GPR137B: variants seen among roughly 807,000 people sequenced by gnomAD.
GPR137B encodes the protein integral membrane protein GPR137B.
GPR137B carries 42 observed loss-of-function variants against 42.5 expected under a neutral mutation model. The observed-to-expected ratio is 0.99, with a 90% CI of 0.77 to 1.28. GPR137B has a LOEUF of 1.28. Among genes scored for constraint, GPR137B ranks in the 50% most tolerant of loss-of-function variants. The pLI is 0.00. For missense variants in GPR137B, 487 were observed against 493.9 expected, an observed-to-expected ratio of 0.99 and a Z score of 0.13; for synonymous variants, 218 against 209.7, an observed-to-expected ratio of 1.04 and a Z score of -0.34.
At chr1:236,183,999 A>G (rs777141675) in intron 5 of GPR137B, 93 bp downstream of exon 5, 6 of 817,432 alleles carry the variant, frequency 7.3e-6, no homozygotes, top group African/African-American at 3.5e-5. Context: ...TTCAGAAGAG[A>G]GCCTCTTCCT....
At chr1:236,172,642 T>C (rs1439026556) in intron 2 of GPR137B, among the ~76,000 whole-genome samples, 1 of 152,084 alleles carries the variant, frequency 6.6e-6, no homozygotes, top group Non-Finnish European at 1.5e-5. Flanking sequence ...CCTCTAGCTT[T>C]GTGATTTTTT....
intron 1 of GPR137B, among the ~76,000 whole-genome samples, chr1:236,147,096 A>G (rs562834477): frequency 1.3e-5 from 2 of 152,350 alleles, no homozygotes; most frequent in Admixed American, 1.3e-4. Flanking sequence ...GGCGTGAGCC[A>G]CTGTGCCTGG....
At chr1:236,205,081 G>A (rs1422871224) in intron 5 of GPR137B, 45 bp from the exon 6 acceptor site, 4 of 1,545,168 alleles carry the variant, frequency 2.6e-6, no homozygotes, top group Non-Finnish European at 2.7e-6. Context: ...TCTGGTGCAA[G>A]GCATGATGTC....
chr1:236,203,067 GTTTCT>G (rs899006621), intron 5 of GPR137B, among the ~76,000 whole-genome samples: 6 of 151,942 alleles, frequency 3.9e-5, no homozygotes, highest in African/African-American at 1.4e-4. Context: ...CTATGTGTCT[GTTTCT>G]TTTCTTTCTT....
chr1:236,143,842 ATTG>A (rs1471564271), intron 1 of GPR137B, among the ~76,000 whole-genome samples: 2 of 152,244 alleles, frequency 1.3e-5, no homozygotes, highest in African/African-American at 4.8e-5. Flanking sequence ...AAGTGCAGTA[ATTG>A]TTGAGCACTT....
At chr1:236,178,785 G>GTTTGTTTTTTTTTTTTT (rs1662772132) in intron 3 of GPR137B, 149 bp downstream of exon 3, 1 of 48,312 alleles carries the variant, frequency 2.1e-5, no homozygotes, top group Non-Finnish European at 4.5e-5. Context: ...GCTACTCGAG[G>GTTTGTTTTTTTTTTTTT]TTTTTTTTTT....
intron 1 of GPR137B, 51 bp from the exon 2 acceptor site, chr1:236,168,655 G>T: frequency 7.0e-7 from 1 of 1,430,374 alleles, no homozygotes; most frequent in Non-Finnish European, 9.9e-7. Flanking sequence ...TATCAGTCTG[G>T]TTCTGTCAAC....
At chr1:236,164,962 T>TGGTGTGATCTCAGTTCACTGCAA (rs1662309831) in intron 1 of GPR137B, among the ~76,000 whole-genome samples, 2 of 151,274 alleles carry the variant, frequency 1.3e-5, no homozygotes, top group Non-Finnish European at 2.9e-5. Flanking sequence ...TGGAGTGCAA[T>TGGTGTGATCTCAGTTCACTGCAA]GGTGTGATCT....
At chr1:236,207,982 C>A in intron 6 of GPR137B, 68 bp from the exon 7 acceptor site, 1 of 1,154,900 alleles carries the variant, frequency 8.7e-7, no homozygotes. Context: ...CTCTGTCTAC[C>A]TAAACTAGAC....
At chr1:236,194,796 G>A (rs968897725) in intron 5 of GPR137B, among the ~76,000 whole-genome samples, 1 of 152,098 alleles carries the variant, frequency 6.6e-6, no homozygotes, top group African/African-American at 2.4e-5. Context: ...TTTTTTGAGA[G>A]GTAAACTCAG....
At position 236,208,671 on chromosome 1, in the gene GPR137B, C is replaced by T; in HGVS notation, c.*513C>T. ...CCTAAAATACAGTTGACAACTTAGC[C>T]AATTGCAACTCCAGTGTTGATAATT... On this transcript the variant is annotated 3_prime_UTR_variant, in exon 7 of 7. Coordinates refer to ENST00000366592, the MANE Select transcript of GPR137B (RefSeq NM_003272.4). 1.0e-6 allele frequency: 1 copy of T among 985,368 alleles called. No individual in the cohort carries two copies. The highest frequency in any genetic ancestry group is 1.2e-6 in the Non-Finnish European group (1 of 829,624). The allele number at this position is 985,368 out of a possible 1,614,324, so 61.0% of individuals were successfully genotyped here.
At chr1:236,186,619 A>G (rs1253953418) in intron 5 of GPR137B, among the ~76,000 whole-genome samples, 1 of 151,500 alleles carries the variant, frequency 6.6e-6, no homozygotes, top group Non-Finnish European at 1.5e-5. Flanking sequence ...CAGCTTGCTG[A>G]GAATGATGGT....
rs1662950766 is a variant in GPR137B at position 236,183,873 on chromosome 1, T to C, written c.933T>C (p.Tyr311=). ...TCTTACCTACCACCTTAGTCGTTTA[T>C]TTCTTCCGAGTTAGAAATCCTACAA... ...WELLPTTLVV[Y]FFRVRNPTKD... Residue 311 remains tyrosine, a synonymous_variant, in exon 5 of 7, where the codon TAT becomes TAC. Coordinates refer to ENST00000366592, the MANE Select transcript of GPR137B (RefSeq NM_003272.4). The C allele has an allele frequency of 3.1e-6, 5 of 1,609,436 alleles. No homozygotes were observed. Among genetic ancestry groups the C allele is most frequent in the Non-Finnish European group, 4.3e-6 (5 of 1,175,940 alleles).
At chr1:236,201,700 T>C (rs979210277) in intron 5 of GPR137B, among the ~76,000 whole-genome samples, 1 of 152,132 alleles carries the variant, frequency 6.6e-6, no homozygotes, top group African/African-American at 2.4e-5. Context: ...GGTTTTCACC[T>C]TTCTCTGGTA....
intron 2 of GPR137B, among the ~76,000 whole-genome samples, chr1:236,177,393 C>T (rs1157412462): frequency 6.6e-6 from 1 of 152,098 alleles, no homozygotes; most frequent in Non-Finnish European, 1.5e-5. Flanking sequence ...ATGTCTAGAG[C>T]TGGGACTAGA....
At position 236,143,102 on chromosome 1, in the gene GPR137B, C is replaced by T. The variant is rs886780217; in HGVS notation, c.414+66C>T. ...GGTGGTCCCCGCGGGGCGCCCGAGG[C>T]AGGGGCGATGGCAGCCGCGGGGGCG... is the stretch of plus-strand genomic sequence containing the variant. On this transcript the variant is annotated intron_variant, in intron 1 of 6. Coordinates refer to ENST00000366592, the MANE Select transcript of GPR137B (RefSeq NM_003272.4). The T allele has an allele frequency of 5.6e-6, 8 of 1,420,962 alleles. No homozygotes were observed. The Admixed American group carries it at 5.9e-5, about 11-fold the overall frequency. The allele number at this position is 1,420,962 out of a possible 1,614,324, so 88.0% of individuals were successfully genotyped here.
At position 236,142,773 on chromosome 1, in the gene GPR137B, G is replaced by T. The variant is rs899410834; in HGVS notation, c.151G>T (p.Val51Leu). Residue 51 changes from valine (V) to leucine (L), a missense_variant, in exon 1 of 7, where the codon GTG becomes TTG. Physicochemically the swap from Val to Leu is conservative, Grantham distance 32. Coordinates refer to ENST00000366592, the MANE Select transcript of GPR137B (RefSeq NM_003272.4). ...VKLGLTVVYT[V>L]FYALLFVFIY... Reference sequence around the variant, plus strand: ...GCTTGGCCTCACCGTCGTCTACACCGTGTTCTACGCGCTGCTCTTCGTGTT... The same window carrying T: ...GCTTGGCCTCACCGTCGTCTACACCTTGTTCTACGCGCTGCTCTTCGTGTT... 4 of 1,613,672 alleles carry T rather than the reference G, an allele frequency of 2.5e-6. No individual in the cohort carries two copies. The East Asian group carries it at 8.9e-5, about 36-fold the overall frequency.
At chr1:236,176,283 G>A (rs1316475866) in intron 2 of GPR137B, among the ~76,000 whole-genome samples, 5 of 152,124 alleles carry the variant, frequency 3.3e-5, no homozygotes, top group Non-Finnish European at 5.9e-5. Flanking sequence ...ACATGAGGTC[G>A]AATCCCTAAG....
chr1:236,198,199 G>T (rs1388818541), intron 5 of GPR137B, among the ~76,000 whole-genome samples: 1 of 152,034 alleles, frequency 6.6e-6, no homozygotes, highest in African/African-American at 2.4e-5. Flanking sequence ...TTTCTGTGAA[G>T]AATGATGACC....
Sources: gnomAD v4.1 joint callset for allele counts (sites outside exome capture counted in the v4.1 genomes callset) on GRCh38, gnomAD v4.1.1 for gene constraint, MANE v1.5 for transcripts, NCBI Gene and HGNC (gene_info 2026-07-23, HGNC 2026-07-21) for gene names.